ZNF132: variants seen among roughly 807,000 people sequenced by gnomAD.
ZNF132 encodes the protein zinc finger protein 132.
In ZNF132, 6 loss-of-function variants were observed where a neutral mutation model predicts 9.3. That is an observed-to-expected ratio of 0.65 (90% CI 0.35 to 1.28). The LOEUF is 1.28. Among genes scored for constraint, ZNF132 ranks in the 50% most tolerant of loss-of-function variants. The pLI is 0.03. For synonymous variants in ZNF132, 296 were observed against 292.0 expected, an observed-to-expected ratio of 1.01 and a Z score of -0.14; for missense variants, 877 against 843.2, an observed-to-expected ratio of 1.04 and a Z score of -0.50.
intron 2 of ZNF132, chr19:58,435,413 C>A: frequency 1.7e-6 from 1 of 582,152 alleles, no homozygotes; most frequent in Non-Finnish European, 3.0e-6. Context: ...TAAGGGAGAC[C>A]TCACCAGGGG....
In ZNF132 at chr19:58,434,205, G is replaced by A. The variant is rs761398938; in HGVS notation, c.1239C>T (p.Ser413=). The A allele has an allele frequency of 5.6e-6, 9 of 1,613,980 alleles. No individual in the cohort carries two copies. In the Admixed American group the frequency reaches 1.0e-4, roughly 18 times the overall value. The change falls in exon 3 of 3, where the codon AGC becomes AGT. Residue 413 remains serine, a synonymous_variant. Transcript: ENST00000254166. The part of the protein sequence containing the change: ...YECSQCGKSF[S]RSSALIQHWR... ...AGTGCTGAATGAGAGCAGAGCTTCG[G>A]CTGAAGGATTTACCACATTGACTGC... is the stretch of plus-strand genomic sequence containing the variant.
Position 58,433,589 on chromosome 19 carries a change from T to G in ZNF132, c.1855A>C (p.Arg619=). ...TAAGGCCTTTCTCCAGTGTGAACTCTCCAGTGACAAATAAGGCTGGATTTT... is the reference window on the plus strand; with the variant it reads ...TAAGGCCTTTCTCCAGTGTGAACTCGCCAGTGACAAATAAGGCTGGATTTT... ...SRKSSLICHW[R]VHTGERPYEC... The change falls in exon 3 of 3, where the codon AGA becomes CGA. Residue 619 remains arginine, a synonymous_variant. Coordinates refer to ENST00000254166, the MANE Select transcript of ZNF132 (RefSeq NM_003433.4). 1 of 1,614,220 alleles carries G rather than the reference T, an allele frequency of 6.2e-7. No individual in the cohort carries two copies. The highest frequency in any genetic ancestry group is 8.5e-7 in the Non-Finnish European group (1 of 1,180,044).
In ZNF132 at chr19:58,434,345, T is replaced by C; in HGVS notation, c.1099A>G (p.Lys367Glu). 6.2e-7 allele frequency: 1 copy of C among 1,614,248 alleles called. No homozygotes were observed. The highest frequency in any genetic ancestry group is 8.5e-7 in the Non-Finnish European group (1 of 1,180,044). Residue 367 changes from lysine to glutamate, a missense_variant, in exon 3 of 3, where the codon AAA (lysine) becomes GAA (glutamate). Transcript: ENST00000254166. ...AAAGGCCTTTCTCCAGTGTGAACTT[T>C]CTCATGCCGAATGAGGTGTGATCTG... ...SNRSHLIRHEKVHTGERPFEC... is the reference protein window; with the variant it reads ...SNRSHLIRHEEVHTGERPFEC...
At position 58,434,633 on chromosome 19, in the gene ZNF132, T is replaced by C. The variant is rs772246721; in HGVS notation, c.811A>G (p.Asn271Asp). The part of the protein sequence containing the change: ...EIPFTCPTGG[N>D]FLEEKSILGN... ...AGGATTGATTTCTCCTCTAAGAAATTTCCACCTGTTGGGCATGTAAATGGT... is the reference window on the plus strand; with the variant it reads ...AGGATTGATTTCTCCTCTAAGAAATCTCCACCTGTTGGGCATGTAAATGGT... Residue 271 changes from asparagine to aspartate, a missense_variant, in exon 3 of 3, where the codon AAT (asparagine) becomes GAT (aspartate). Coordinates refer to ENST00000254166, the MANE Select transcript of ZNF132 (RefSeq NM_003433.4). 8 of 1,614,216 alleles carry C rather than the reference T, an allele frequency of 5.0e-6. No individual in the cohort carries two copies. The South Asian group carries it at 6.6e-5, about 13-fold the overall frequency.
chr19:58,434,344 T>C lies in ZNF132; in HGVS notation c.1100A>G (p.Lys367Arg), dbSNP rs866423259. 1 of 1,614,234 alleles carries C rather than the reference T, an allele frequency of 6.2e-7. No individual in the cohort carries two copies. The highest frequency in any genetic ancestry group is 8.5e-7 in the Non-Finnish European group (1 of 1,180,052). Reference protein sequence around the residue: ...SNRSHLIRHEKVHTGERPFEC... With the variant: ...SNRSHLIRHERVHTGERPFEC... ...AAAAGGCCTTTCTCCAGTGTGAACT[T>C]TCTCATGCCGAATGAGGTGTGATCT... Residue 367 changes from lysine to arginine, a missense_variant, in exon 3 of 3, where the codon AAA becomes AGA. Transcript: ENST00000254166.
chr19:58,438,631 G>A (rs140497345), intron 1 of ZNF132, among the ~76,000 whole-genome samples: 9 of 151,784 alleles, frequency 5.9e-5, no homozygotes, highest in East Asian at 3.9e-4. Context: ...CCACCACCAC[G>A]CCTGACTAAT....
Position 58,439,880 on chromosome 19 carries a change from G to A in ZNF132, c.-59C>T. On this transcript the variant is annotated 5_prime_UTR_variant, in exon 1 of 3. Transcript: ENST00000254166. ...CCGAACCCTCACACTTCCGCTGGGT[G>A]ACGGTCGCACTCAGGACCTGTCTTC... 6.6e-7 allele frequency: 1 copy of A among 1,515,412 alleles called. No homozygotes were observed. The highest frequency in any genetic ancestry group is 8.9e-7 in the Non-Finnish European group (1 of 1,124,856). 93.9% of individuals were successfully genotyped at this position (1,515,412 alleles called of 1,614,324 possible).
Position 58,435,114 on chromosome 19 carries a change from G to C in ZNF132, c.330C>G (p.Thr110=), listed in dbSNP as rs1271940656. The change falls in exon 3 of 3, where the codon ACC becomes ACG. Residue 110 remains threonine (T), a synonymous_variant. Coordinates refer to ENST00000254166, the MANE Select transcript of ZNF132 (RefSeq NM_003433.4). ...ACATGTCACAGGAGTTAGCTTTCTT[G>C]GTGGAAGGATCTGCATTAGGGATCC... ...QVRIPNADPS[T]KKANSCDMCG... is the part of the protein sequence containing the mutation. 1 of 1,614,166 alleles carries C rather than the reference G, an allele frequency of 6.2e-7. No individual in the cohort carries two copies. The highest frequency in any genetic ancestry group is 8.5e-7 in the Non-Finnish European group (1 of 1,180,016).
chr19:58,436,932 G>A, intron 2 of ZNF132, 115 bp downstream of exon 2: 1 of 1,458,422 alleles, frequency 6.9e-7, no homozygotes, highest in Non-Finnish European at 9.6e-7. Flanking sequence ...ACCTACAACA[G>A]GAAACCCGAG....
chr19:58,433,415 G>A lies in ZNF132; in HGVS notation c.2029C>T (p.His677Tyr). The A allele has an allele frequency of 6.2e-7, 1 of 1,614,170 alleles. No homozygotes were observed. Among genetic ancestry groups the A allele is most frequent in the East Asian group, 2.2e-5 (1 of 44,884 alleles). The change falls in exon 3 of 3, where the codon CAC becomes TAC. Residue 677 changes from histidine to tyrosine, a missense_variant. Physicochemically the swap from His to Tyr is moderately conservative, Grantham distance 83. Coordinates refer to ENST00000254166, the MANE Select transcript of ZNF132 (RefSeq NM_003433.4). ...CACTCATAAGTCCTTTCTCTGGTGTGAACTTTCTGGTGCCGAACAAGTGTA... is the reference window on the plus strand; with the variant it reads ...CACTCATAAGTCCTTTCTCTGGTGTAAACTTTCTGGTGCCGAACAAGTGTA... ...RSTLVRHQKV[H>Y]TRERTYECSQ...
At chr19:58,435,415 C>T (rs2052768021) in intron 2 of ZNF132, 1 of 574,714 alleles carries the variant, frequency 1.7e-6, no homozygotes, top group African/African-American at 1.9e-5. Flanking sequence ...AGGGAGACCT[C>T]ACCAGGGGTA....
At position 58,440,061 on chromosome 19, in the gene ZNF132, C is replaced by T; in HGVS notation, c.-240G>A. On this transcript the variant is annotated 5_prime_UTR_variant, in exon 1 of 3. Coordinates refer to ENST00000254166, the MANE Select transcript of ZNF132 (RefSeq NM_003433.4). ...GGGCACTATGGTGCGTGTGAAGGCG[C>T]GGTGACGGTCCCTGCACCCACTCCC... 1 of 527,562 alleles carries T rather than the reference C, an allele frequency of 1.9e-6. No individual in the cohort carries two copies. The highest frequency in any genetic ancestry group is 2.5e-5 in the South Asian group (1 of 40,138). 32.7% of individuals were successfully genotyped at this position (527,562 alleles called of 1,614,324 possible). A position where few individuals can be genotyped will look rare whatever the true frequency, so the allele number is the denominator to read the frequency against.
In ZNF132 at chr19:58,434,901, C is replaced by T; in HGVS notation, c.543G>A (p.Lys181=). The T allele has an allele frequency of 6.2e-7, 1 of 1,614,172 alleles. No individual in the cohort carries two copies. The highest frequency in any genetic ancestry group is 8.5e-7 in the Non-Finnish European group (1 of 1,180,028). The change falls in exon 3 of 3, where the codon AAG becomes AAA. Residue 181 remains lysine, a synonymous_variant. Transcript: ENST00000254166. ...RWYKDRDALM[K]SSKVHLSENP... is the part of the protein sequence containing the mutation. ...TCTCTGACAGGTGGACTTTAGAGCTCTTCATAAGTGCGTCCCTGTCCTTGT... is the reference window on the plus strand; with the variant it reads ...TCTCTGACAGGTGGACTTTAGAGCTTTTCATAAGTGCGTCCCTGTCCTTGT...
chr19:58,433,443 T>C lies in ZNF132; in HGVS notation c.2001A>G (p.Arg667=). Residue 667 remains arginine, a synonymous_variant, in exon 3 of 3, where the codon AGA becomes AGG. Transcript: ENST00000254166. The part of the protein sequence containing the change: ...CIQCGKAFSE[R]STLVRHQKVH... ...CTTTCTGGTGCCGAACAAGTGTAGA[T>C]CTTTCACTAAAGGCTTTTCCACACT... The C allele has an allele frequency of 6.2e-7, 1 of 1,614,080 alleles. No individual in the cohort carries two copies. Among genetic ancestry groups the C allele is most frequent in the Non-Finnish European group, 8.5e-7 (1 of 1,179,992 alleles).
chr19:58,439,808 C>G lies in ZNF132; in HGVS notation c.14G>C (p.Ser5Thr). Residue 5 changes from serine (S) to threonine (T), a missense_variant, in exon 1 of 3, where the codon AGC (serine) becomes ACC (threonine). Physicochemically the swap from Ser to Thr is moderately conservative, Grantham distance 58. Transcript: ENST00000254166. MALPSPQVLMGLPAL... is the reference protein window; with the variant it reads MALPTPQVLMGLPAL... ...TGGCAACCCCATTAGAACCTGTGGG[C>G]TGGGCAGGGCCATAACAGGAGGCCC... 2 of 1,544,800 alleles carry G rather than the reference C, an allele frequency of 1.3e-6. No individual in the cohort carries two copies. The highest frequency in any genetic ancestry group is 2.5e-5 in the East Asian group (1 of 40,014).
At chr19:58,435,450 C>T in intron 2 of ZNF132, 1 of 459,788 alleles carries the variant, frequency 2.2e-6, no homozygotes, top group East Asian at 3.6e-5. Flanking sequence ...GGTCAAAGGA[C>T]TTAAATAGAC....
Position 58,437,125 on chromosome 19 carries a change from A to C in ZNF132, c.154T>G (p.Trp52Gly). ...CTCTGGGCTGCATCAAGGAGCTCCC[A>C]CTCCTCTTGGGAGAAGTATACAGCC... ...DVAVYFSQEEWELLDAAQRHL... is the reference protein window; with the variant it reads ...DVAVYFSQEEGELLDAAQRHL... Residue 52 changes from tryptophan to glycine, a missense_variant, in exon 2 of 3, where the codon TGG becomes GGG. Trp to Gly is a radical substitution (Grantham distance 184). Transcript: ENST00000254166. The C allele has an allele frequency of 6.2e-7, 1 of 1,613,884 alleles. No homozygotes were observed. The highest frequency in any genetic ancestry group is 1.1e-5 in the South Asian group (1 of 91,076).
intron 1 of ZNF132, among the ~76,000 whole-genome samples, chr19:58,438,773 A>AT (rs546729734): frequency 0.014 from 1,489 of 106,276 alleles, 6 homozygotes; most frequent in Middle Eastern, 0.02. Flanking sequence ...ACGCCCGGCA[A>AT]TTTTTTTTTT....
At position 58,433,544 on chromosome 19, in the gene ZNF132, T is replaced by G. The variant is rs1568596432; in HGVS notation, c.1900A>C (p.Arg634=). 6.2e-7 allele frequency: 1 copy of G among 1,614,052 alleles called. No homozygotes were observed. The highest frequency in any genetic ancestry group is 8.5e-7 in the Non-Finnish European group (1 of 1,180,012). Residue 634 remains arginine (R), a synonymous_variant, in exon 3 of 3, where the codon AGA becomes CGA. Coordinates refer to ENST00000254166, the MANE Select transcript of ZNF132 (RefSeq NM_003433.4). ...AGGTGGGAGTTACTGCTAAAGGCTC[T>G]CCCACATTCACTGCATTCGTAAGGC... is the stretch of plus-strand genomic sequence containing the variant. The part of the protein sequence containing the change: ...ERPYECSECG[R]AFSSNSHLVR...
Sources: gnomAD v4.1 joint callset for allele counts (sites outside exome capture counted in the v4.1 genomes callset) on GRCh38, gnomAD v4.1.1 for gene constraint, MANE v1.5 for transcripts, NCBI Gene and HGNC (gene_info 2026-07-23, HGNC 2026-07-21) for gene names.